Variants in KANSL1 observed in about 807,000 individuals in gnomAD.
The protein encoded by KANSL1 is MLL1/MLL complex subunit KANSL1.
Under a neutral mutation model 103.6 loss-of-function variants are expected in KANSL1, and 22 were observed. The observed-to-expected ratio is 0.21, with a 90% CI of 0.15 to 0.30. KANSL1 has a LOEUF of 0.30. Ranked by LOEUF, KANSL1 falls within the 10% of genes least tolerant of loss-of-function variation. The pLI is 1.00. For missense variants in KANSL1, 1,337 were observed against 1,399.8 expected (o/e 0.96, Z 0.72); for synonymous variants, 600 against 527.6 (o/e 1.14, Z -1.88).
intron 3 of KANSL1, 88 bp downstream of exon 3, chr17:46,094,472 T>C (rs2146945655): frequency 7.0e-7 from 1 of 1,428,666 alleles, no homozygotes; most frequent in South Asian, 1.2e-5. Flanking sequence ...AAGAGGGTTA[T>C]GGGGGTTACG....
intron 2 of KANSL1, among the ~76,000 whole-genome samples, chr17:46,112,723 A>C (rs1253646958): frequency 2.4e-5 from 3 of 123,284 alleles, no homozygotes; most frequent in Admixed American, 8.5e-5. Flanking sequence ...TGGGCAGATA[A>C]ATTTTTTTTT....
At chr17:46,105,865 T>TCACACACACACACA (rs373943708) in intron 2 of KANSL1, among the ~76,000 whole-genome samples, 14 of 134,594 alleles carry the variant, frequency 1.0e-4, no homozygotes, top group African/African-American at 3.9e-4. Context: ...AGCAAGACCT[T>TCACACACACACACA]CACACACACA....
At chr17:46,071,061 G>C (rs983951572) in intron 4 of KANSL1, among the ~76,000 whole-genome samples, 7 of 152,244 alleles carry the variant, frequency 4.6e-5, no homozygotes, top group Admixed American at 1.3e-4. Flanking sequence ...ATAACAGCCT[G>C]TCTTGTTTCT....
intron 2 of KANSL1, among the ~76,000 whole-genome samples, chr17:46,149,069 C>T (rs1346123159): frequency 3.4e-5 from 5 of 145,372 alleles, no homozygotes; most frequent in Non-Finnish European, 7.4e-5. Flanking sequence ...GTGGCATGAT[C>T]TTGGCTCACT....
At chr17:46,038,376 T>C in intron 10 of KANSL1, 162 bp downstream of exon 10, 2 of 728,426 alleles carry the variant, frequency 2.7e-6, no homozygotes, top group African/African-American at 1.8e-5. Context: ...ACCATGACTT[T>C]GACTTAAAAA....
rs775643555 is a variant in KANSL1, at chr17:46,032,239, G to A, written c.2898C>T (p.Thr966=). 7 of 1,573,316 alleles carry A rather than the reference G, an allele frequency of 4.4e-6. No individual in the cohort carries two copies. The change falls in exon 14 of 15, where the codon ACC becomes ACT. Residue 966 remains threonine (T), a synonymous_variant. Transcript: ENST00000432791. ...TPQLGSANPS[T]PQPASPDVSS... is the part of the protein sequence containing the mutation. ...TGACATCAGGGGAGGCAGGCTGGGG[G>A]GTGGAGGGGTTGGCACTGCCCAGCT...
chr17:46,033,296 T>C, intron 12 of KANSL1, 104 bp from the exon 13 acceptor site: 1 of 1,438,160 alleles, frequency 7.0e-7, no homozygotes, highest in African/African-American at 1.4e-5. Flanking sequence ...TACAAGGAGC[T>C]TGCACTTCAC....
chr17:46,068,143 G>C (rs1458913251), intron 4 of KANSL1, among the ~76,000 whole-genome samples: 1 of 147,236 alleles, frequency 6.8e-6, no homozygotes, highest in African/African-American at 2.4e-5. Flanking sequence ...TTCAACTAAT[G>C]ATCAAGAAGG....
intron 2 of KANSL1, among the ~76,000 whole-genome samples, chr17:46,098,644 T>G (rs1259881065): frequency 1.3e-5 from 2 of 152,234 alleles, no homozygotes; most frequent in African/African-American, 4.8e-5. Flanking sequence ...ATAAACTAAT[T>G]AAAGAAAGGC....
At position 46,055,322 on chromosome 17, in the gene KANSL1, G is replaced by A. The variant is rs527629589; in HGVS notation, c.1849-4618C>T. Among the ~76,000 whole-genome samples the A allele has an allele frequency of 8.6e-5, 13 of 151,738 alleles. No individual in the cohort carries two copies. The South Asian group carries it at 2.3e-3, about 27-fold the overall frequency. ...CTACTAAAAATACAAAAAATTAGCC[G>A]GGCATGGTGGCGGGCGCCTGTAATC... On this transcript the variant is annotated intron_variant, in intron 6 of 14. Transcript: ENST00000432791.
intron 3 of KANSL1, among the ~76,000 whole-genome samples, chr17:46,089,781 C>T (rs1194881890): frequency 5.3e-5 from 8 of 152,206 alleles, no homozygotes; most frequent in African/African-American, 1.7e-4. Context: ...AACTACTTGA[C>T]TGCTCTGATC....
chr17:46,150,944 AAC>A (rs74966529), intron 2 of KANSL1, among the ~76,000 whole-genome samples: 5 of 147,878 alleles, frequency 3.4e-5, no homozygotes, highest in African/African-American at 7.7e-5. Context: ...AAAAAAAAAA[AAC>A]ACGAGTATCT....
Position 46,086,148 on chromosome 17 carries a change from C to A in KANSL1, c.1432-3606G>T, listed in dbSNP as rs1001132063. On this transcript the variant is annotated intron_variant, in intron 3 of 14. Coordinates refer to ENST00000432791, the MANE Select transcript of KANSL1 (RefSeq NM_015443.4). ...ACAATTAGATATAAAATTACTCCTT[C>A]AATTTTTCTTTTTCAGTTATATGAA... Among the ~76,000 whole-genome samples the A allele has an allele frequency of 5.1e-4, 78 of 151,906 alleles. 1 individual carries two copies. Among genetic ancestry groups the A allele is most frequent in the Admixed American group, 3.9e-4 (6 of 15,214 alleles).
intron 2 of KANSL1, among the ~76,000 whole-genome samples, chr17:46,135,124 C>G (rs1481435426): frequency 1.3e-5 from 2 of 151,738 alleles, no homozygotes; most frequent in Non-Finnish European, 2.9e-5. Context: ...TACTACAAAT[C>G]TTTTTTGAAG....
chr17:46,166,816 A>C (rs1390112643), intron 2 of KANSL1, among the ~76,000 whole-genome samples: 2 of 152,234 alleles, frequency 1.3e-5, no homozygotes, highest in East Asian at 3.8e-4. Context: ...CCAGGTAATA[A>C]AAACAGACTA....
chr17:46,186,797 C>T (rs1420386079), intron 1 of KANSL1, among the ~76,000 whole-genome samples: 2 of 152,154 alleles, frequency 1.3e-5, no homozygotes, highest in South Asian at 2.1e-4. Flanking sequence ...GGTGCGATCT[C>T]GGCTCACTAC....
chr17:46,063,806 GA>G (rs1252408576), intron 6 of KANSL1, among the ~76,000 whole-genome samples: 2 of 151,096 alleles, frequency 1.3e-5, no homozygotes, highest in Non-Finnish European at 2.9e-5. Context: ...ACATACTTCA[GA>G]AAATTTTTAT....
intron 3 of KANSL1, among the ~76,000 whole-genome samples, chr17:46,090,819 C>T (rs1203382121): frequency 6.6e-6 from 1 of 152,198 alleles, no homozygotes; most frequent in Admixed American, 6.5e-5. Context: ...TGTGGTGATG[C>T]TGGTGTAAAG....
At chr17:46,052,138 AG>A (rs1365039974) in intron 6 of KANSL1, among the ~76,000 whole-genome samples, 3 of 152,218 alleles carry the variant, frequency 2.0e-5, no homozygotes, top group Non-Finnish European at 4.4e-5. Flanking sequence ...GAGATCACAC[AG>A]TGGGTGAGTG....
Sources: gnomAD v4.1 joint callset for allele counts (sites outside exome capture counted in the v4.1 genomes callset) on GRCh38, gnomAD v4.1.1 for gene constraint, MANE v1.5 for transcripts, NCBI Gene and HGNC (gene_info 2026-07-23, HGNC 2026-07-21) for gene names.